The following CRACR2A variants were observed in gnomAD, a reference collection of about 807,000 sequenced individuals.
CRACR2A encodes the protein calcium release activated channel regulator 2A, also known as EF-hand calcium-binding domain-containing protein 4B.
In CRACR2A, 79 loss-of-function variants were observed where a neutral mutation model predicts 90.5. That is an observed-to-expected ratio of 0.87 (90% CI 0.73 to 1.05). CRACR2A has a LOEUF of 1.05. CRACR2A is among the 50% of genes least tolerant of loss of function. The pLI, the probability that CRACR2A is intolerant of heterozygous loss-of-function variation, is 0.00. For missense variants in CRACR2A, 823 were observed against 897.2 expected (o/e 0.92, Z 1.06); for synonymous variants, 338 against 356.7 (o/e 0.95, Z 0.59).
At chr12:3,747,788 T>C (rs921961460) in intron 1 of CRACR2A, among the ~76,000 whole-genome samples, 1 of 152,230 alleles carries the variant, frequency 6.6e-6, no homozygotes, top group African/African-American at 2.4e-5. Flanking sequence ...TTCCAGCTTG[T>C]CCTGGTGCAC....
intron 4 of CRACR2A, among the ~76,000 whole-genome samples, chr12:3,681,043 G>A (rs17780612): frequency 0.14 from 20,793 of 151,982 alleles, 1,560 homozygotes; most frequent in Admixed American, 0.21. Context: ...TTCCTCTCCC[G>A]TACCACGATG....
chr12:3,713,985 G>C (rs1946045598), intron 2 of CRACR2A, among the ~76,000 whole-genome samples: 2 of 152,170 alleles, frequency 1.3e-5, no homozygotes, highest in Admixed American at 1.3e-4. Flanking sequence ...ATGACTGAAG[G>C]GAGCAGTAGT....
At chr12:3,694,257 T>C (rs1945700440) in intron 4 of CRACR2A, among the ~76,000 whole-genome samples, 1 of 152,210 alleles carries the variant, frequency 6.6e-6, no homozygotes, top group Admixed American at 6.5e-5. Context: ...CATTCCATTT[T>C]CAAAACAAAT....
At chr12:3,659,722 C>T (rs997425518) in intron 7 of CRACR2A, 68 bp from the exon 8 acceptor site, 6 of 1,270,856 alleles carry the variant, frequency 4.7e-6, no homozygotes, top group South Asian at 1.2e-5. Context: ...TCCTGGAGCT[C>T]AGACACCAGT....
chr12:3,634,350 T>C (rs1263720108), intron 14 of CRACR2A, among the ~76,000 whole-genome samples: 3 of 152,128 alleles, frequency 2.0e-5, no homozygotes, highest in Non-Finnish European at 4.4e-5. Context: ...CCATCTTCCT[T>C]GGGTAACTGA....
intron 7 of CRACR2A, among the ~76,000 whole-genome samples, chr12:3,663,796 TAC>T (rs1229113836): frequency 6.6e-6 from 1 of 152,218 alleles, no homozygotes; most frequent in African/African-American, 2.4e-5. Flanking sequence ...GCAGCCACAT[TAC>T]AGTTGACGTA....
At chr12:3,628,660 T>A (rs1245868549) in intron 15 of CRACR2A, among the ~76,000 whole-genome samples, 1 of 152,202 alleles carries the variant, frequency 6.6e-6, no homozygotes, top group Non-Finnish European at 1.5e-5. Flanking sequence ...CCTGTAAGAA[T>A]GTTTGCAAAG....
intron 1 of CRACR2A, among the ~76,000 whole-genome samples, chr12:3,740,072 A>G (rs936306396): frequency 6.6e-6 from 1 of 152,180 alleles, no homozygotes; most frequent in Non-Finnish European, 1.5e-5. Flanking sequence ...CCGTACTGCA[A>G]AACGACATAT....
intron 6 of CRACR2A, among the ~76,000 whole-genome samples, chr12:3,676,099 A>ATCAT (rs113719561): frequency 3.7e-4 from 56 of 150,874 alleles, no homozygotes; most frequent in Non-Finnish European, 6.7e-4. Context: ...ACTTATTTAG[A>ATCAT]CCATCCATCC....
intron 17 of CRACR2A, among the ~76,000 whole-genome samples, chr12:3,621,276 T>A (rs1225675834): frequency 6.6e-6 from 1 of 151,952 alleles, no homozygotes; most frequent in East Asian, 1.9e-4. Flanking sequence ...GGATGATGGA[T>A]ACTGAATGAC....
intron 6 of CRACR2A, 108 bp from the exon 7 acceptor site, chr12:3,673,700 A>G: frequency 7.2e-7 from 1 of 1,393,268 alleles, no homozygotes; most frequent in Non-Finnish European, 9.7e-7. Context: ...CGTCAGAATC[A>G]TTATAAAGAT....
chr12:3,735,248 C>G (rs1946432722), intron 1 of CRACR2A, among the ~76,000 whole-genome samples: 1 of 152,118 alleles, frequency 6.6e-6, no homozygotes, highest in South Asian at 2.1e-4. Context: ...GGAGATAGAG[C>G]AAGTGAGCCC....
intron 10 of CRACR2A, among the ~76,000 whole-genome samples, 170 bp from the exon 11 acceptor site, chr12:3,648,783 C>T (rs1944740707): frequency 6.6e-6 from 1 of 152,218 alleles, no homozygotes; most frequent in African/African-American, 2.4e-5. Context: ...GGGCATCACA[C>T]ATGGCCAATT....
chr12:3,654,276 C>G lies in CRACR2A; in HGVS notation c.982G>C (p.Asp328His), dbSNP rs1429058526. 6.2e-7 allele frequency: 1 copy of G among 1,613,834 alleles called. No homozygotes were observed. Reference sequence around the variant, plus strand: ...AGGCTTTCCAACTGCTGCTGAGCATCCTGGAGCTCCCAGGAAGTCCGCTCC... The same window carrying G: ...AGGCTTTCCAACTGCTGCTGAGCATGCTGGAGCTCCCAGGAAGTCCGCTCC... ...ELERTSWELQ[D>H]AQQQLESLQQ... Residue 328 changes from aspartate (D) to histidine (H), a missense_variant, in exon 10 of 20, where the codon GAT becomes CAT. By Grantham distance (81) the Asp-to-His change is moderately conservative (BLOSUM62 -1). Coordinates refer to ENST00000440314, the MANE Select transcript of CRACR2A (RefSeq NM_001144958.2).
At chr12:3,645,173 A>C (rs915883146) in intron 11 of CRACR2A, among the ~76,000 whole-genome samples, 3 of 152,258 alleles carry the variant, frequency 2.0e-5, no homozygotes, top group African/African-American at 7.2e-5. Flanking sequence ...GAGAAAATAA[A>C]GCAGGAAAGT....
At chr12:3,673,732 A>G in intron 6 of CRACR2A, 140 bp from the exon 7 acceptor site, 1 of 1,053,300 alleles carries the variant, frequency 9.5e-7, no homozygotes. Context: ...ACGTGGACCG[A>G]ATGCTTGCTG....
chr12:3,737,712 C>A (rs1946467920), intron 1 of CRACR2A, among the ~76,000 whole-genome samples: 1 of 152,120 alleles, frequency 6.6e-6, no homozygotes, highest in Admixed American at 6.5e-5. Context: ...GGGGAAGGAG[C>A]AGTTGAGGCC....
At chr12:3,618,084 G>A (rs1867728282) in intron 18 of CRACR2A, among the ~76,000 whole-genome samples, 1 of 151,820 alleles carries the variant, frequency 6.6e-6, no homozygotes, top group Non-Finnish European at 1.5e-5. Flanking sequence ...TTGCCTTCCT[G>A]CTTTGAGTTC....
At chr12:3,692,628 T>C (rs1945668821) in intron 4 of CRACR2A, among the ~76,000 whole-genome samples, 1 of 152,148 alleles carries the variant, frequency 6.6e-6, no homozygotes, top group Admixed American at 6.5e-5. Context: ...CTGTCCTTCT[T>C]TGTACGTGCC....
Sources: allele counts gnomAD v4.1 joint callset (sites outside exome capture counted in the v4.1 genomes callset), GRCh38; gene constraint gnomAD v4.1.1; transcripts MANE v1.5; gene names NCBI Gene and HGNC (gene_info 2026-07-23, HGNC 2026-07-21).